The following PTPRD variants were observed in gnomAD, a reference collection of about 807,000 sequenced individuals.
The protein encoded by PTPRD is receptor-type tyrosine-protein phosphatase delta.
In PTPRD, 34 loss-of-function variants were observed where a neutral mutation model predicts 214.5. That is an observed-to-expected ratio of 0.16 (90% CI 0.12 to 0.21). PTPRD has a LOEUF of 0.21. Ranked by LOEUF, PTPRD falls within the 10% of genes least tolerant of loss-of-function variation. The pLI is 1.00. For missense variants in PTPRD, 2,545 were observed against 2,398.7 expected (o/e 1.06, Z -1.27); for synonymous variants, 1,128 against 845.7 (o/e 1.33, Z -5.79).
intron 2 of PTPRD, among the ~76,000 whole-genome samples, chr9:10,398,990 C>A (rs922777204): frequency 9.2e-5 from 14 of 152,074 alleles, no homozygotes; most frequent in African/African-American, 3.4e-4. Context: ...CAGTGTCTGG[C>A]ATGATGAGAA....
chr9:9,411,262 C>CTTTTTTTTT (rs34617237), intron 8 of PTPRD, among the ~76,000 whole-genome samples: 35 of 139,848 alleles, frequency 2.5e-4, no homozygotes, highest in South Asian at 6.7e-4. Context: ...AGCATTGTGT[C>CTTTTTTTTT]TTTTTTTTTT....
chr9:10,013,335 T>G (rs1311943648), intron 4 of PTPRD, among the ~76,000 whole-genome samples: 1 of 151,898 alleles, frequency 6.6e-6, no homozygotes, highest in Non-Finnish European at 1.5e-5. Context: ...AAAATTAAAT[T>G]TGTATTCAAA....
At chr9:9,998,733 C>T (rs908650438) in intron 4 of PTPRD, among the ~76,000 whole-genome samples, 3 of 152,112 alleles carry the variant, frequency 2.0e-5, no homozygotes, top group Non-Finnish European at 4.4e-5. Context: ...CGTCTCTCTC[C>T]AGGCACAAGT....
rs1389132502 is a variant in PTPRD, at chr9:9,048,815, T to C, written c.-142-30080A>G. Among the ~76,000 whole-genome samples the C allele has an allele frequency of 5.3e-5, 8 of 152,102 alleles. No homozygotes were observed. In the East Asian group the frequency reaches 1.5e-3, roughly 29 times the overall value. On this transcript the variant is annotated intron_variant, in intron 10 of 45. Coordinates refer to ENST00000381196, the MANE Select transcript of PTPRD (RefSeq NM_002839.4). ...TTTAAAAATAACTTAAGGAGTGTAA[T>C]AGAATTGTTTGTAACACAAAGGATA...
intron 2 of PTPRD, among the ~76,000 whole-genome samples, chr9:10,598,082 T>G (rs1188522780): frequency 6.6e-6 from 1 of 151,786 alleles, no homozygotes; most frequent in Non-Finnish European, 1.5e-5. Flanking sequence ...AATTGCACTG[T>G]GTATGGAGTG....
chr9:8,418,219 C>CTT (rs370640821), intron 35 of PTPRD, among the ~76,000 whole-genome samples: 15,242 of 149,332 alleles, frequency 0.1, 766 homozygotes, highest in East Asian at 0.13. Flanking sequence ...CTTTCTTATC[C>CTT]TTTTCTTTTT....
At chr9:8,672,569 T>C (rs2097307651) in intron 12 of PTPRD, among the ~76,000 whole-genome samples, 1 of 152,150 alleles carries the variant, frequency 6.6e-6, no homozygotes, top group Non-Finnish European at 1.5e-5. Flanking sequence ...TAATTTGCTA[T>C]TTCACTTCTT....
intron 9 of PTPRD, among the ~76,000 whole-genome samples, chr9:9,386,872 C>T (rs1586766884): frequency 6.6e-6 from 1 of 152,152 alleles, no homozygotes; most frequent in South Asian, 2.1e-4. Context: ...AGGTCCATCT[C>T]AGGCTCCTGA....
chr9:10,423,713 C>T (rs753781495), intron 2 of PTPRD, among the ~76,000 whole-genome samples: 4 of 151,912 alleles, frequency 2.6e-5, no homozygotes, highest in Non-Finnish European at 5.9e-5. Context: ...TATGCCCCCA[C>T]ATAAAATTTA....
At chr9:8,714,945 ATTTT>A (rs558196213) in intron 12 of PTPRD, among the ~76,000 whole-genome samples, 8 of 147,132 alleles carry the variant, frequency 5.4e-5, no homozygotes, top group Non-Finnish European at 1.1e-4. Flanking sequence ...ATGGTGCAAG[ATTTT>A]TTTTTTTGTC....
At chr9:10,034,639 C>A (rs1157863220) in intron 3 of PTPRD, among the ~76,000 whole-genome samples, 1 of 151,968 alleles carries the variant, frequency 6.6e-6, no homozygotes, top group Non-Finnish European at 1.5e-5. Flanking sequence ...TATGTTCTCA[C>A]CATTTAGCTC....
At chr9:8,513,652 C>G (rs913244748) in intron 21 of PTPRD, among the ~76,000 whole-genome samples, 6 of 151,946 alleles carry the variant, frequency 3.9e-5, no homozygotes, top group African/African-American at 1.2e-4. Flanking sequence ...AATTTTATAT[C>G]TCATAATGGT....
At chr9:9,796,948 G>A (rs1456399898) in intron 5 of PTPRD, among the ~76,000 whole-genome samples, 1 of 152,106 alleles carries the variant, frequency 6.6e-6, no homozygotes, top group Non-Finnish European at 1.5e-5. Flanking sequence ...CATCTGAATA[G>A]TAATATTTAA....
intron 5 of PTPRD, among the ~76,000 whole-genome samples, chr9:9,809,740 CACTG>C (rs1483330674): frequency 6.6e-6 from 1 of 152,126 alleles, no homozygotes; most frequent in East Asian, 1.9e-4. Flanking sequence ...ATGAAGCTAA[CACTG>C]ACATTCAGAA....
At chr9:8,750,860 G>A (rs2093451221) in intron 11 of PTPRD, among the ~76,000 whole-genome samples, 1 of 152,164 alleles carries the variant, frequency 6.6e-6, no homozygotes, top group Non-Finnish European at 1.5e-5. Flanking sequence ...TTTATGCTAT[G>A]GAGTGACACG....
chr9:9,024,338 GT>G (rs746383829), intron 10 of PTPRD, among the ~76,000 whole-genome samples: 6 of 61,360 alleles, frequency 9.8e-5, no homozygotes, highest in Non-Finnish European at 1.4e-4. Context: ...TCGATTCTTT[GT>G]TTTTTTTTGT....
intron 11 of PTPRD, among the ~76,000 whole-genome samples, chr9:8,741,900 T>A (rs557257821): frequency 1.3e-5 from 2 of 152,288 alleles, no homozygotes; most frequent in East Asian, 3.9e-4. Context: ...GGCATTTCTT[T>A]TTTTATGTTA....
chr9:8,683,378 C>T (rs1458948988), intron 12 of PTPRD, among the ~76,000 whole-genome samples: 2 of 146,398 alleles, frequency 1.4e-5, no homozygotes, highest in Non-Finnish European at 3.0e-5. Context: ...TGGAGACACT[C>T]CTTTCTCAAA....
intron 11 of PTPRD, among the ~76,000 whole-genome samples, chr9:8,988,890 T>C (rs966376715): frequency 1.3e-5 from 2 of 152,242 alleles, no homozygotes; most frequent in East Asian, 1.9e-4. Context: ...AGAGATATCA[T>C]TCAGAAGAAA....
Sources: gnomAD v4.1 joint callset for allele counts (sites outside exome capture counted in the v4.1 genomes callset) on GRCh38, gnomAD v4.1.1 for gene constraint, MANE v1.5 for transcripts, NCBI Gene and HGNC (gene_info 2026-07-23, HGNC 2026-07-21) for gene names.